Variants in LOC128462377 observed in about 807,000 individuals in gnomAD.
chr16:89,358,784 T>C, the LOC128462377 span, among the ~76,000 whole-genome samples: 1 of 151,818 alleles, frequency 6.6e-6, no homozygotes, highest in Non-Finnish European at 1.5e-5. Flanking sequence ...CCTGTGCCGC[T>C]AAAACCCACA....
chr16:89,328,693 C>T, the LOC128462377 span, among the ~76,000 whole-genome samples: 3 of 142,536 alleles, frequency 2.1e-5, no homozygotes, highest in African/African-American at 5.4e-5. Context: ...CCCAGGAGCA[C>T]GGGCGAAATC....
the LOC128462377 span, among the ~76,000 whole-genome samples, chr16:89,341,246 C>T: frequency 5.3e-5 from 8 of 152,182 alleles, no homozygotes; most frequent in South Asian, 2.1e-4. Flanking sequence ...CAAGCAGACC[C>T]GGTTTGGAAA....
At chr16:89,382,603 C>A in the LOC128462377 span, among the ~76,000 whole-genome samples, 1 of 152,050 alleles carries the variant, frequency 6.6e-6, no homozygotes, top group Admixed American at 6.6e-5. Context: ...TCCCAAAGTG[C>A]TGAGATTACA....
At chr16:89,355,801 C>T in the LOC128462377 span, among the ~76,000 whole-genome samples, 1 of 152,190 alleles carries the variant, frequency 6.6e-6, no homozygotes, top group Non-Finnish European at 1.5e-5. Flanking sequence ...GGCCCTGCCA[C>T]GGCGGTTCAC....
At chr16:89,390,771 G>A in the LOC128462377 span, among the ~76,000 whole-genome samples, 1 of 152,152 alleles carries the variant, frequency 6.6e-6, no homozygotes, top group South Asian at 2.1e-4. Context: ...CAATGCTGCT[G>A]GTAATGGTTG....
the LOC128462377 span, among the ~76,000 whole-genome samples, chr16:89,367,577 C>A: frequency 1.3e-5 from 2 of 152,344 alleles, no homozygotes; most frequent in East Asian, 3.9e-4. Flanking sequence ...TGTTCCTGAC[C>A]CGTCCCTCCT....
the LOC128462377 span, among the ~76,000 whole-genome samples, chr16:89,383,316 C>A: frequency 2.6e-5 from 4 of 152,244 alleles, no homozygotes; most frequent in Non-Finnish European, 5.9e-5. Flanking sequence ...CCTAGCCATG[C>A]CTGCCTGGCT....
chr16:89,384,874 G>GTTTTTTTTTTTTTTTTTT, the LOC128462377 span, among the ~76,000 whole-genome samples: 3 of 72,768 alleles, frequency 4.1e-5, no homozygotes, highest in African/African-American at 5.6e-5. Context: ...ATGAGAAATA[G>GTTTTTTTTTTTTTTTTTT]TTTTCTTTTT....
At chr16:89,318,288 C>T in the LOC128462377 span, among the ~76,000 whole-genome samples, 1 of 152,250 alleles carries the variant, frequency 6.6e-6, no homozygotes, top group African/African-American at 2.4e-5. Flanking sequence ...TTCACCATCA[C>T]AGCCAGGCCT....
At chr16:89,347,250 C>T in the LOC128462377 span, among the ~76,000 whole-genome samples, 1 of 152,150 alleles carries the variant, frequency 6.6e-6, no homozygotes, top group East Asian at 1.9e-4. Context: ...GACAAGCTGA[C>T]ACATAAGCCT....
chr16:89,395,115 TGAAA>T, the LOC128462377 span, among the ~76,000 whole-genome samples: 2 of 152,136 alleles, frequency 1.3e-5, no homozygotes, highest in African/African-American at 4.8e-5. Flanking sequence ...CAGGACAAGA[TGAAA>T]GAGGGCCAAG....
chr16:89,388,492 C>T, the LOC128462377 span, among the ~76,000 whole-genome samples: 7 of 151,876 alleles, frequency 4.6e-5, no homozygotes, highest in Admixed American at 6.6e-5. Flanking sequence ...GCAAGATTTG[C>T]GTTTCCCTGT....
chr16:89,370,272 T>G, the LOC128462377 span, among the ~76,000 whole-genome samples: 1 of 152,230 alleles, frequency 6.6e-6, no homozygotes, highest in African/African-American at 2.4e-5. Flanking sequence ...AGTGTGGGCC[T>G]GTGCCCAACT....
the LOC128462377 span, among the ~76,000 whole-genome samples, chr16:89,350,635 G>A: frequency 5.1e-4 from 77 of 152,324 alleles, no homozygotes; most frequent in African/African-American, 1.8e-3. Context: ...CTGGGTCCAG[G>A]AAATAGGATG....
At chr16:89,417,552 G>C in the LOC128462377 span, among the ~76,000 whole-genome samples, 5 of 152,138 alleles carry the variant, frequency 3.3e-5, no homozygotes, top group African/African-American at 1.2e-4. Context: ...CTCCCAGGAG[G>C]AGGCAAGGAG....
chr16:89,361,127 C>G, the LOC128462377 span, among the ~76,000 whole-genome samples: 4 of 152,322 alleles, frequency 2.6e-5, no homozygotes, highest in Non-Finnish European at 5.9e-5. Flanking sequence ...ATTACAGACA[C>G]CCTGGCTAGG....
the LOC128462377 span, among the ~76,000 whole-genome samples, chr16:89,331,262 T>C: frequency 6.6e-6 from 1 of 152,210 alleles, no homozygotes; most frequent in African/African-American, 2.4e-5. Flanking sequence ...CCTGATGAAA[T>C]ACATTCTTAA....
At chr16:89,369,765 G>T in the LOC128462377 span, among the ~76,000 whole-genome samples, 1 of 152,196 alleles carries the variant, frequency 6.6e-6, no homozygotes, top group South Asian at 2.1e-4. Context: ...AGCTGTCTAA[G>T]ACCAGAGGGT....
At chr16:89,376,102 T>A in the LOC128462377 span, among the ~76,000 whole-genome samples, 9 of 152,246 alleles carry the variant, frequency 5.9e-5, no homozygotes, top group Admixed American at 5.9e-4. Context: ...TACCTTTTTA[T>A]CTCACTGAAA....
Sources: gnomAD v4.1 joint callset for allele counts (sites outside exome capture counted in the v4.1 genomes callset) on GRCh38, gnomAD v4.1.1 for gene constraint, MANE v1.5 for transcripts.